Variants in MDFIC2 observed in about 807,000 individuals in gnomAD.
MDFIC2 encodes MyoD family inhibitor domain containing 2, also known as myoD family inhibitor domain-containing protein 2.
intron 2 of MDFIC2, among the ~76,000 whole-genome samples, chr3:70,243,435 C>G (rs1415527200): frequency 6.6e-6 from 1 of 152,166 alleles, no homozygotes; most frequent in Non-Finnish European, 1.5e-5. Flanking sequence ...CTGCACTGCT[C>G]TCTTTCTTTC....
chr3:70,253,617 A>T (rs985264103), intron 2 of MDFIC2, among the ~76,000 whole-genome samples: 1 of 152,150 alleles, frequency 6.6e-6, no homozygotes, highest in African/African-American at 2.4e-5. Context: ...TAGCTAGTCA[A>T]GAGGCTAAGG....
intron 3 of MDFIC2, among the ~76,000 whole-genome samples, chr3:70,199,589 T>C (rs931119654): frequency 1.3e-5 from 2 of 152,164 alleles, no homozygotes; most frequent in Non-Finnish European, 2.9e-5. Context: ...TCAAGTGAGT[T>C]CCACACTTTT....
At chr3:70,273,358 A>C (rs1701992889) in intron 2 of MDFIC2, among the ~76,000 whole-genome samples, 1 of 152,170 alleles carries the variant, frequency 6.6e-6, no homozygotes, top group Non-Finnish European at 1.5e-5. Context: ...TCTTCGTAAA[A>C]ATGAGATGCT....
At chr3:70,250,482 A>T (rs1056111913) in intron 2 of MDFIC2, among the ~76,000 whole-genome samples, 3 of 151,792 alleles carry the variant, frequency 2.0e-5, no homozygotes, top group Non-Finnish European at 2.9e-5. Flanking sequence ...TTCCAACGAG[A>T]TGTAAATCAA....
rs531486232 is a variant in MDFIC2, at chr3:70,197,185, T to C, written c.311A>G (p.Glu104Gly). Reference protein sequence around the residue: ...DTSVHHRDTDEECASLILACL... With the variant: ...DTSVHHRDTDGECASLILACL... Reference sequence around the variant, plus strand: ...GGCGAGGATAAGGGAGGCACACTCCTCTGTTTAAAGAAGAAGACCAATTAA... The same window carrying C: ...GGCGAGGATAAGGGAGGCACACTCCCCTGTTTAAAGAAGAAGACCAATTAA... The change falls in exon 4 of 4, where the codon GAG (glutamate) becomes GGG (glycine). Residue 104 changes from glutamate to glycine, a missense_variant and splice_region_variant. By Grantham distance (98) the Glu-to-Gly change is moderately conservative (BLOSUM62 -2). Transcript: ENST00000567252. The C allele has an allele frequency of 4.3e-5, 17 of 398,544 alleles. No homozygotes were observed. The highest frequency in any genetic ancestry group is 4.0e-4 in the Admixed American group (9 of 22,730). The allele number at this position is 398,544 out of a possible 1,614,324, so 24.7% of individuals were successfully genotyped here.
At chr3:70,216,775 G>A (rs1701416031) in intron 2 of MDFIC2, among the ~76,000 whole-genome samples, 1 of 152,072 alleles carries the variant, frequency 6.6e-6, no homozygotes, top group Non-Finnish European at 1.5e-5. Context: ...TTCCCAATCA[G>A]GGCAGATTTT....
At chr3:70,235,417 C>G (rs776210477) in intron 2 of MDFIC2, among the ~76,000 whole-genome samples, 3 of 152,196 alleles carry the variant, frequency 2.0e-5, no homozygotes, top group African/African-American at 7.2e-5. Flanking sequence ...TCCGTCTCCT[C>G]GCAAATTAAA....
At chr3:70,234,151 A>G (rs1701587253) in intron 2 of MDFIC2, among the ~76,000 whole-genome samples, 1 of 152,208 alleles carries the variant, frequency 6.6e-6, no homozygotes, top group Non-Finnish European at 1.5e-5. Flanking sequence ...GATGTGGACA[A>G]CTACTTACAA....
chr3:70,292,244 A>G (rs563358080), intron 2 of MDFIC2, among the ~76,000 whole-genome samples: 1 of 152,292 alleles, frequency 6.6e-6, no homozygotes, highest in East Asian at 1.9e-4. Flanking sequence ...ATTGAGTGGT[A>G]CATCTTGTGA....
In MDFIC2 at chr3:70,196,670, T is replaced by C. The variant is rs1462861506; in HGVS notation, c.*256A>G. 6.6e-6 allele frequency among the ~76,000 whole-genome samples: 1 copy of C among 152,170 alleles called. No individual in the cohort carries two copies. The highest frequency in any genetic ancestry group is 1.5e-5 in the Non-Finnish European group (1 of 68,036). ...AGAAACATCTTGTACCTACAGCATT[T>C]AAGAGGTATTTAAGATTTGTTCATC... On this transcript the variant is annotated 3_prime_UTR_variant, in exon 4 of 4. Transcript: ENST00000567252.
chr3:70,278,812 T>C (rs1354283560), intron 2 of MDFIC2, among the ~76,000 whole-genome samples: 2 of 152,002 alleles, frequency 1.3e-5, no homozygotes, highest in Non-Finnish European at 2.9e-5. Flanking sequence ...ATGCCTCAGA[T>C]TCTTCTTCTA....
chr3:70,220,958 A>C (rs573325467), intron 2 of MDFIC2, among the ~76,000 whole-genome samples: 29 of 152,324 alleles, frequency 1.9e-4, no homozygotes, highest in African/African-American at 6.7e-4. Flanking sequence ...GTAGCTATGC[A>C]TCAGCTTACT....
At chr3:70,293,647 G>A (rs961666077) in intron 2 of MDFIC2, among the ~76,000 whole-genome samples, 3 of 152,016 alleles carry the variant, frequency 2.0e-5, no homozygotes, top group African/African-American at 7.2e-5. Flanking sequence ...ACATTTTTTT[G>A]TAGGCCTGTT....
At chr3:70,291,094 A>G (rs774003457) in intron 2 of MDFIC2, 1 of 152,066 alleles carries the variant, frequency 6.6e-6, no homozygotes, top group Non-Finnish European at 1.5e-5. Context: ...AGAGCTACTT[A>G]TTTTTTTATG....
chr3:70,251,986 T>G (rs777386922), intron 2 of MDFIC2, among the ~76,000 whole-genome samples: 1 of 152,204 alleles, frequency 6.6e-6, no homozygotes, highest in Admixed American at 6.5e-5. Context: ...AAACACGTGT[T>G]AAGGAACTAA....
At chr3:70,254,556 A>G (rs1456640105) in intron 2 of MDFIC2, among the ~76,000 whole-genome samples, 1 of 152,126 alleles carries the variant, frequency 6.6e-6, no homozygotes, top group Non-Finnish European at 1.5e-5. Flanking sequence ...ATACAAATCT[A>G]TTTTCCCTAA....
chr3:70,286,884 T>C (rs1337097763), intron 2 of MDFIC2, among the ~76,000 whole-genome samples: 1 of 152,038 alleles, frequency 6.6e-6, no homozygotes, highest in Non-Finnish European at 1.5e-5. Flanking sequence ...ATAAGAATGC[T>C]TGTGATTTTT....
chr3:70,226,773 G>T (rs891546289), intron 2 of MDFIC2, among the ~76,000 whole-genome samples: 3 of 150,920 alleles, frequency 2.0e-5, no homozygotes, highest in Non-Finnish European at 2.9e-5. Flanking sequence ...GCAATTTCCA[G>T]GTGGCAATTA....
At chr3:70,259,332 C>T (rs1701844586) in intron 2 of MDFIC2, among the ~76,000 whole-genome samples, 1 of 151,974 alleles carries the variant, frequency 6.6e-6, no homozygotes. Flanking sequence ...TTGACTCCAG[C>T]TCTTTAGAGG....
Sources: gnomAD v4.1 joint callset for allele counts (sites outside exome capture counted in the v4.1 genomes callset) on GRCh38, gnomAD v4.1.1 for gene constraint, MANE v1.5 for transcripts, NCBI Gene and HGNC (gene_info 2026-07-23, HGNC 2026-07-21) for gene names.